Variants in CEP126 observed in about 807,000 individuals in gnomAD.
CEP126 encodes the protein centrosomal protein of 126 kDa.
Under a neutral mutation model 107.8 loss-of-function variants are expected in CEP126, and 74 were observed. That is an observed-to-expected ratio of 0.69 (90% confidence interval 0.57 to 0.83). CEP126 has a LOEUF of 0.83. Among genes scored for constraint, CEP126 ranks in the 40% least tolerant of loss-of-function variants. The pLI is 0.00. For synonymous variants in CEP126, 449 were observed against 446.0 expected, an observed-to-expected ratio of 1.01 and a Z score of -0.08; for missense variants, 1,237 against 1,281.9, an observed-to-expected ratio of 0.96 and a Z score of 0.53.
intron 6 of CEP126, among the ~76,000 whole-genome samples, chr11:101,977,632 A>C (rs984167260): frequency 1.4e-5 from 2 of 146,928 alleles, no homozygotes; most frequent in African/African-American, 5.0e-5. Context: ...CTCTGTCTCA[A>C]AAAAAAAAAA....
intron 6 of CEP126, among the ~76,000 whole-genome samples, chr11:101,977,159 T>A (rs1941200854): frequency 6.6e-6 from 1 of 152,138 alleles, no homozygotes; most frequent in Non-Finnish European, 1.5e-5. Context: ...TTTGATAATT[T>A]TTGAATTTGT....
At chr11:101,957,955 C>G (rs1193123748) in intron 4 of CEP126, among the ~76,000 whole-genome samples, 1 of 152,162 alleles carries the variant, frequency 6.6e-6, no homozygotes, top group Non-Finnish European at 1.5e-5. Flanking sequence ...AGGTGGAGTT[C>G]TTTACTGGTA....
At chr11:101,923,549 A>G (rs952399517) in intron 2 of CEP126, among the ~76,000 whole-genome samples, 1 of 152,196 alleles carries the variant, frequency 6.6e-6, no homozygotes, top group East Asian at 1.9e-4. Flanking sequence ...CCATTTGGGG[A>G]ATAAAAAATT....
At chr11:101,992,198 A>G (rs1280319625) in intron 9 of CEP126, among the ~76,000 whole-genome samples, 1 of 152,142 alleles carries the variant, frequency 6.6e-6, no homozygotes, top group Non-Finnish European at 1.5e-5. Context: ...AACTAAGGCT[A>G]TGAGTTTAAG....
At chr11:101,943,156 A>G (rs1033419559) in intron 2 of CEP126, among the ~76,000 whole-genome samples, 3 of 151,798 alleles carry the variant, frequency 2.0e-5, no homozygotes, top group Non-Finnish European at 4.4e-5. Context: ...GGTAAAAGCA[A>G]CTTCTTATCT....
chr11:101,948,244 T>TTA, intron 4 of CEP126, 102 bp downstream of exon 4: 1 of 568,486 alleles, frequency 1.8e-6, no homozygotes, highest in South Asian at 3.5e-5. Flanking sequence ...TCATCTGTGT[T>TTA]TTAGAGTTTA....
intron 8 of CEP126, among the ~76,000 whole-genome samples, chr11:101,985,385 C>A (rs1037268306): frequency 2.0e-5 from 3 of 151,716 alleles, no homozygotes; most frequent in Non-Finnish European, 4.4e-5. Context: ...CAAGTTCAAG[C>A]AATTCTCCTG....
At chr11:101,975,205 C>A (rs1045741461) in intron 6 of CEP126, among the ~76,000 whole-genome samples, 1 of 151,792 alleles carries the variant, frequency 6.6e-6, no homozygotes, top group African/African-American at 2.4e-5. Flanking sequence ...TAATACAGTG[C>A]TTTTTAAACT....
Position 101,944,408 on chromosome 11 carries a change from C to T in CEP126, c.392C>T (p.Ala131Val). The stretch of plus-strand genomic sequence containing the variant: ...GTTCCTCTTTCACAGCGGAGGAAAG[C>T]AGGTGCCTTAATTTCTAGAACAGTA... The part of the protein sequence containing the change: ...AHVPLSQRRK[A>V]VSRKPVPPLE... Residue 131 changes from alanine to valine, a missense_variant and splice_region_variant, in exon 3 of 11, where the codon GCA becomes GTA. This residue lies in a region of CEP126 where 1,134 missense variants were observed against 1,150.5 expected (regional missense o/e 0.99). Coordinates refer to ENST00000263468, the MANE Select transcript of CEP126 (RefSeq NM_020802.4). 1 of 1,607,446 alleles carries T rather than the reference C, an allele frequency of 6.2e-7. No homozygotes were observed. Among genetic ancestry groups the T allele is most frequent in the Non-Finnish European group, 8.5e-7 (1 of 1,177,902 alleles).
chr11:101,962,834 A>G lies in CEP126; in HGVS notation c.1799A>G (p.Lys600Arg), dbSNP rs769085627. The G allele has an allele frequency of 6.2e-7, 1 of 1,602,644 alleles. No individual in the cohort carries two copies. The highest frequency in any genetic ancestry group is 8.5e-7 in the Non-Finnish European group (1 of 1,177,090). The change falls in exon 6 of 11, where the codon AAG becomes AGG. Residue 600 changes from lysine (K) to arginine (R), a missense_variant. This residue lies in a region of CEP126 where 1,134 missense variants were observed against 1,150.5 expected (regional missense o/e 0.99). Transcript: ENST00000263468. ...LKALIINQSF[K>R]FGNQKAAAIR... is the part of the protein sequence containing the mutation. ...GCATTAATTATAAATCAGAGCTTTA[A>G]GTTTGGAAATCAAAAAGCAGCAGCT...
intron 2 of CEP126, among the ~76,000 whole-genome samples, chr11:101,932,398 A>G (rs1382466872): frequency 6.6e-6 from 1 of 152,144 alleles, no homozygotes; most frequent in African/African-American, 2.4e-5. Flanking sequence ...AATTATTATT[A>G]CTTTCTGTAT....
intron 2 of CEP126, among the ~76,000 whole-genome samples, chr11:101,938,242 C>A (rs937422314): frequency 1.0e-4 from 15 of 147,374 alleles, no homozygotes; most frequent in African/African-American, 3.5e-4. Flanking sequence ...TTGTAATATT[C>A]TCCTATTATT....
chr11:101,916,904 A>G (rs1402280752), intron 1 of CEP126, among the ~76,000 whole-genome samples: 1 of 152,218 alleles, frequency 6.6e-6, no homozygotes, highest in African/African-American at 2.4e-5. Flanking sequence ...AATTAGAATG[A>G]CATTTCCTAT....
At chr11:101,952,657 T>C (rs1389487081) in intron 4 of CEP126, among the ~76,000 whole-genome samples, 1 of 151,914 alleles carries the variant, frequency 6.6e-6, no homozygotes, top group Non-Finnish European at 1.5e-5. Flanking sequence ...AAATGATGAA[T>C]ATGAGGGAAG....
In CEP126 at chr11:101,961,727, C is replaced by CT. The variant is rs541103749; in HGVS notation, c.706-5dup. Reference sequence around the variant, plus strand: ...AGTTTATAAGCTATAAAACAATGTTCTTTTTTTTTCCAGAAATTTTGTGAT... The same window carrying CT: ...AGTTTATAAGCTATAAAACAATGTTCTTTTTTTTTTCCAGAAATTTTGTGAT... On this transcript the variant is annotated splice_polypyrimidine_tract_variant and intron_variant, in intron 5 of 10. Transcript: ENST00000263468. 2,364 of 1,350,084 alleles carry CT rather than the reference C, an allele frequency of 1.8e-3. 2 individuals are homozygous for CT. Among genetic ancestry groups the CT allele is most frequent in the African/African-American group, 6.8e-3 (462 of 67,942 alleles). The allele number at this position is 1,350,084 out of a possible 1,614,324, so 83.6% of individuals were successfully genotyped here. A position where few individuals can be genotyped will look rare whatever the true frequency, so the allele number is the denominator to read the frequency against.
chr11:101,994,635 C>T (rs1489261948), intron 10 of CEP126, among the ~76,000 whole-genome samples: 1 of 152,088 alleles, frequency 6.6e-6, no homozygotes, highest in African/African-American at 2.4e-5. Flanking sequence ...AATCCGTTCC[C>T]CATTGCTTGT....
At position 101,978,360 on chromosome 11, in the gene CEP126, G is replaced by A. The variant is rs750707737; in HGVS notation, c.2859G>A (p.Met953Ile). 4 of 1,612,118 alleles carry A rather than the reference G, an allele frequency of 2.5e-6. No homozygotes were observed. Among genetic ancestry groups the A allele is most frequent in the Non-Finnish European group, 2.5e-6 (3 of 1,178,480 alleles). ...CATTTGTTTAAGGGTCTACTGTTAT[G>A]AGAAGAAAACGAATTGCTGAAACTA... ...QNKRATGSTVMRRKRIAETKR... is the reference protein window; with the variant it reads ...QNKRATGSTVIRRKRIAETKR... The change falls in exon 7 of 11, where the codon ATG becomes ATA. Residue 953 changes from methionine to isoleucine, a missense_variant. Transcript: ENST00000263468.
intron 6 of CEP126, 49 bp from the exon 7 acceptor site, chr11:101,978,298 G>T: frequency 8.2e-7 from 1 of 1,219,496 alleles, no homozygotes; most frequent in Non-Finnish European, 1.2e-6. Flanking sequence ...GGTATATATT[G>T]GCTACTCAAC....
intron 8 of CEP126, among the ~76,000 whole-genome samples, chr11:101,984,449 T>C (rs1180547321): frequency 3.3e-5 from 5 of 152,230 alleles, no homozygotes; most frequent in Admixed American, 3.3e-4. Flanking sequence ...AAGAAGTGGA[T>C]ATCAAAGAGG....
Sources: allele counts gnomAD v4.1 joint callset (sites outside exome capture counted in the v4.1 genomes callset), GRCh38; gene constraint gnomAD v4.1.1; regional missense constraint gnomAD v4.1.1; transcripts MANE v1.5; gene names NCBI Gene and HGNC (gene_info 2026-07-23, HGNC 2026-07-21).